Variants in FAT3 observed in about 807,000 individuals in gnomAD.
FAT3 encodes FAT atypical cadherin 3, also known as protocadherin Fat 3.
A neutral mutation model predicts 310.2 loss-of-function variants in FAT3; 95 were observed. That is an observed-to-expected ratio of 0.31 (90% CI 0.26 to 0.36). FAT3 has a LOEUF of 0.36. Among genes scored for constraint, FAT3 ranks in the 10% least tolerant of loss-of-function variants. The pLI, the probability that FAT3 is intolerant of heterozygous loss-of-function variation, is 1.00. For missense variants in FAT3, 5,408 were observed against 5,715.6 expected, an observed-to-expected ratio of 0.95 and a Z score of 1.74; for synonymous variants, 2,314 against 2,192.9, an observed-to-expected ratio of 1.06 and a Z score of -1.54.
At chr11:92,281,666 C>A (rs572719874) in intron 1 of FAT3, among the ~76,000 whole-genome samples, 22 of 152,104 alleles carry the variant, frequency 1.4e-4, no homozygotes, top group South Asian at 4.1e-4. Flanking sequence ...ATGGTGAGTG[C>A]TCAATCAAAG....
At chr11:92,597,633 T>C (rs563550173) in intron 3 of FAT3, among the ~76,000 whole-genome samples, 16 of 152,288 alleles carry the variant, frequency 1.1e-4, no homozygotes, top group African/African-American at 3.6e-4. Flanking sequence ...AGGTACATTC[T>C]GAAAAATGTA....
rs1253024957 is a variant in FAT3, at chr11:92,798,203, T to C, written c.5190T>C (p.Asp1730=). 3 of 1,613,836 alleles carry C rather than the reference T, an allele frequency of 1.9e-6. No homozygotes were observed. The African/African-American group carries it at 4.0e-5, about 22-fold the overall frequency. The part of the protein sequence containing the change: ...SGVITTQKAL[D]YERTSSYQLI... ...TCATCACCACTCAGAAGGCCCTGGATTATGAGCGCACATCCTCTTATCAAC... is the reference window on the plus strand; with the variant it reads ...TCATCACCACTCAGAAGGCCCTGGACTATGAGCGCACATCCTCTTATCAAC... The change falls in exon 10 of 28, where the codon GAT becomes GAC. Residue 1730 remains aspartate (D), a synonymous_variant. Coordinates refer to ENST00000525166, the MANE Select transcript of FAT3 (RefSeq NM_001367949.2).
rs1041557474 is a variant in FAT3 at position 92,801,826 on chromosome 11, C to T, written c.8813C>T (p.Pro2938Leu). 6 of 1,613,946 alleles carry T rather than the reference C, an allele frequency of 3.7e-6. No homozygotes were observed. Among genetic ancestry groups the T allele is most frequent in the Non-Finnish European group, 5.1e-6 (6 of 1,179,858 alleles). The change falls in exon 10 of 28, where the codon CCA becomes CTA. Residue 2938 changes from proline (P) to leucine (L), a missense_variant. By Grantham distance (98) the Pro-to-Leu change is moderately conservative. Around this residue, in one of 5 missense-constraint regions of FAT3, gnomAD observed 4,588 missense variants for 4,809.8 expected, o/e 0.95. Transcript: ENST00000525166. ...VYRGNVKESD[P>L]PGEVVAVLST... ...CGAGGGAATGTGAAGGAGAGCGACC[C>T]ACCGGGCGAGGTGGTAGCCGTCCTC...
At chr11:92,525,492 T>C (rs1226950803) in intron 3 of FAT3, among the ~76,000 whole-genome samples, 2 of 152,186 alleles carry the variant, frequency 1.3e-5, no homozygotes, top group African/African-American at 4.8e-5. Context: ...CTCAAAACGT[T>C]TTTAGAGATT....
intron 7 of FAT3, among the ~76,000 whole-genome samples, chr11:92,785,474 A>G (rs1946865715): frequency 6.6e-6 from 1 of 152,160 alleles, no homozygotes; most frequent in Admixed American, 6.6e-5. Flanking sequence ...TATATCTGAA[A>G]AACTCAAAAG....
chr11:92,887,776 T>C (rs1261624890), intron 25 of FAT3, among the ~76,000 whole-genome samples: 2 of 152,124 alleles, frequency 1.3e-5, no homozygotes, highest in Non-Finnish European at 2.9e-5. Context: ...TTTTCTGAGC[T>C]GAGGAACCAG....
intron 3 of FAT3, among the ~76,000 whole-genome samples, chr11:92,586,790 T>C (rs1237513662): frequency 1.3e-5 from 2 of 152,008 alleles, no homozygotes; most frequent in African/African-American, 2.4e-5. Flanking sequence ...GAACATACTT[T>C]CATGCATTGA....
At chr11:92,225,436 G>C (rs1590970306) in intron 1 of FAT3, among the ~76,000 whole-genome samples, 3 of 152,336 alleles carry the variant, frequency 2.0e-5, no homozygotes, top group Middle Eastern at 6.8e-3. Context: ...TTTACACGGA[G>C]AGTTGGCCAA....
chr11:92,517,058 A>G (rs1953509924), intron 2 of FAT3, among the ~76,000 whole-genome samples: 1 of 152,228 alleles, frequency 6.6e-6, no homozygotes. Flanking sequence ...CATACTGCCC[A>G]AAGAAATTTA....
chr11:92,375,597 T>C (rs1949320217), intron 2 of FAT3, among the ~76,000 whole-genome samples: 1 of 152,126 alleles, frequency 6.6e-6, no homozygotes. Context: ...TAAACATGGG[T>C]ACTATTTTGT....
intron 1 of FAT3, among the ~76,000 whole-genome samples, chr11:92,351,079 A>C (rs1419568131): frequency 6.6e-6 from 1 of 152,208 alleles, no homozygotes; most frequent in Non-Finnish European, 1.5e-5. Flanking sequence ...GAAACTGTCC[A>C]AATTTAATAG....
In FAT3 at chr11:92,844,515, C is replaced by T. The variant is rs541353925; in HGVS notation, c.11148C>T (p.Ala3716=). Residue 3716 remains alanine (A), a synonymous_variant, in exon 19 of 28, where the codon GCC becomes GCT. Coordinates refer to ENST00000525166, the MANE Select transcript of FAT3 (RefSeq NM_001367949.2). ...ACAGCAGCGAGTTCTACAAGCCAGC[C>T]TACCTGATCCAGAAGCTGTCCAATG... is the stretch of plus-strand genomic sequence containing the variant. ...EMHSSEFYKP[A]YLIQKLSNAR... is the part of the protein sequence containing the mutation. The T allele has an allele frequency of 3.1e-6, 5 of 1,613,974 alleles. No individual in the cohort carries two copies. The highest frequency in any genetic ancestry group is 2.2e-5 in the South Asian group (2 of 91,064).
chr11:92,665,206 G>C (rs538811371), intron 3 of FAT3, among the ~76,000 whole-genome samples: 2 of 152,166 alleles, frequency 1.3e-5, no homozygotes, highest in African/African-American at 4.8e-5. Flanking sequence ...ACAAATGCAC[G>C]TTGGCATTTG....
At chr11:92,527,973 T>C (rs1461348313) in intron 3 of FAT3, among the ~76,000 whole-genome samples, 1 of 152,220 alleles carries the variant, frequency 6.6e-6, no homozygotes, top group Non-Finnish European at 1.5e-5. Context: ...GCTGTACAGT[T>C]GGAATTTTTA....
chr11:92,543,364 A>T (rs1327884337), intron 3 of FAT3, among the ~76,000 whole-genome samples: 1 of 152,194 alleles, frequency 6.6e-6, no homozygotes, highest in Admixed American at 6.6e-5. Flanking sequence ...AGGTAAGTAT[A>T]TTATGTGATA....
At chr11:92,697,880 A>G (rs1439362905) in intron 4 of FAT3, among the ~76,000 whole-genome samples, 1 of 152,174 alleles carries the variant, frequency 6.6e-6, no homozygotes, top group African/African-American at 2.4e-5. Flanking sequence ...TGGTTGAGTC[A>G]CTGCCAGAGA....
At chr11:92,290,520 G>A (rs1015040469) in intron 1 of FAT3, among the ~76,000 whole-genome samples, 17 of 152,060 alleles carry the variant, frequency 1.1e-4, no homozygotes, top group South Asian at 4.1e-4. Context: ...ACTTTGGGAG[G>A]CTGAGGCAGG....
At chr11:92,679,585 G>A (rs1943407148) in intron 3 of FAT3, among the ~76,000 whole-genome samples, 1 of 151,960 alleles carries the variant, frequency 6.6e-6, no homozygotes, top group South Asian at 2.1e-4. Flanking sequence ...GCTCACGCCT[G>A]TAATCCCAGA....
At chr11:92,288,843 A>C (rs2608779) in intron 1 of FAT3, among the ~76,000 whole-genome samples, 105,843 of 152,026 alleles carry the variant, frequency 0.7, 37,027 homozygotes, top group African/African-American at 0.75. Context: ...ATTTTTTAGT[A>C]TTCTAGGCTG....
Sources: allele counts gnomAD v4.1 joint callset (sites outside exome capture counted in the v4.1 genomes callset), GRCh38; gene constraint gnomAD v4.1.1; regional missense constraint gnomAD v4.1.1; transcripts MANE v1.5; gene names NCBI Gene and HGNC (gene_info 2026-07-23, HGNC 2026-07-21).